The following MXI1 variants were observed in gnomAD, a reference collection of about 807,000 sequenced individuals.
The protein encoded by MXI1 is max-interacting protein 1.
A neutral mutation model predicts 36.9 loss-of-function variants in MXI1; 18 were observed. The observed-to-expected ratio is 0.49, with a 90% CI of 0.34 to 0.72. MXI1 has a LOEUF of 0.72. Among genes scored for constraint, MXI1 ranks in the 30% least tolerant of loss-of-function variants. The pLI is 0.01. For synonymous variants in MXI1, 160 were observed against 146.7 expected (o/e 1.09, Z -0.65); for missense variants, 304 against 379.1 (o/e 0.80, Z 1.64).
chr10:110,225,951 C>T, intron 1 of MXI1: 2 of 907,842 alleles, frequency 2.2e-6, no homozygotes, highest in Middle Eastern at 5.6e-4. Flanking sequence ...AGGGGGCGGG[C>T]CCCGGCGCTG....
intron 3 of MXI1, 108 bp from the exon 4 acceptor site, chr10:110,279,070 CTA>C: frequency 1.3e-6 from 1 of 756,436 alleles, no homozygotes; most frequent in Non-Finnish European, 2.2e-6. Context: ...GGTGTGACAT[CTA>C]TCCTATAGGC....
At chr10:110,217,638 T>G (rs1282152019) in intron 1 of MXI1, among the ~76,000 whole-genome samples, 3 of 152,234 alleles carry the variant, frequency 2.0e-5, no homozygotes, top group Non-Finnish European at 2.9e-5. Context: ...GCTAAGTTTT[T>G]GTTGAACTGA....
At chr10:110,278,435 A>G (rs1857114482) in intron 3 of MXI1, among the ~76,000 whole-genome samples, 1 of 152,158 alleles carries the variant, frequency 6.6e-6, no homozygotes, top group Admixed American at 6.5e-5. Context: ...AATAAAAATT[A>G]AGCTAACGAG....
chr10:110,274,644 A>G (rs1359424806), intron 3 of MXI1, among the ~76,000 whole-genome samples: 1 of 152,210 alleles, frequency 6.6e-6, no homozygotes, highest in African/African-American at 2.4e-5. Context: ...GTCTAGTTCT[A>G]TAAATGTTTC....
intron 2 of MXI1, among the ~76,000 whole-genome samples, chr10:110,232,754 A>G (rs918316124): frequency 6.6e-6 from 1 of 152,210 alleles, no homozygotes; most frequent in Non-Finnish European, 1.5e-5. Context: ...TGGAAGGAAG[A>G]GTGATAAAAC....
chr10:110,266,352 C>G (rs1361973277), intron 3 of MXI1, among the ~76,000 whole-genome samples: 1 of 152,186 alleles, frequency 6.6e-6, no homozygotes, highest in African/African-American at 2.4e-5. Context: ...TCGTGATCCG[C>G]CCACCTCGGC....
At position 110,279,151 on chromosome 10, in the gene MXI1, G is replaced by C. The variant is rs767434822; in HGVS notation, c.438-29G>C. 3.4e-6 allele frequency: 5 copies of C among 1,483,686 alleles called. No individual in the cohort carries two copies. The South Asian group carries it at 3.4e-5, about 10-fold the overall frequency. 91.9% of individuals were successfully genotyped at this position (1,483,686 alleles called of 1,614,324 possible). On this transcript the variant is annotated intron_variant, in intron 3 of 5. Coordinates refer to ENST00000332674, the MANE Select transcript of MXI1 (RefSeq NM_130439.3). ...ATATTTCTAGTGAAATAACCAGACT[G>C]TGCTGATTTGACTTTTTGTCTTTCT...
intron 1 of MXI1, among the ~76,000 whole-genome samples, chr10:110,214,422 C>T (rs964911402): frequency 6.6e-6 from 1 of 152,128 alleles, no homozygotes; most frequent in Non-Finnish European, 1.5e-5. Flanking sequence ...CCACCCCCCT[C>T]CTGCTGCCTT....
rs1443845884 is a variant in MXI1, at chr10:110,271,629, G to T, written c.438-7551G>T. 1.3e-5 allele frequency among the ~76,000 whole-genome samples: 2 copies of T among 152,182 alleles called. 1 individual carries two copies. The highest frequency in any genetic ancestry group is 4.1e-4 in the South Asian group (2 of 4,826). On this transcript the variant is annotated intron_variant, in intron 3 of 5. Coordinates refer to ENST00000332674, the MANE Select transcript of MXI1 (RefSeq NM_130439.3). ...ATTGGCAAGTATAAAAGCACATTTG[G>T]TTATGGAAGAGGTTTGCAAGGGTAT...
chr10:110,238,970 ATTC>A (rs1260911605), intron 2 of MXI1, among the ~76,000 whole-genome samples: 1 of 152,134 alleles, frequency 6.6e-6, no homozygotes, highest in Non-Finnish European at 1.5e-5. Flanking sequence ...TTTGTATTTT[ATTC>A]TTCATCAGCC....
At chr10:110,239,800 A>G (rs1405674220) in intron 2 of MXI1, among the ~76,000 whole-genome samples, 1 of 152,180 alleles carries the variant, frequency 6.6e-6, no homozygotes, top group Non-Finnish European at 1.5e-5. Context: ...TAAAATGTAC[A>G]TACAAAAAAA....
At chr10:110,282,616 A>C (rs78768832) in intron 5 of MXI1, among the ~76,000 whole-genome samples, 2 of 151,814 alleles carry the variant, frequency 1.3e-5, no homozygotes, top group South Asian at 2.1e-4. Context: ...ACTACCTCCA[A>C]ATTTCAGAGA....
At chr10:110,215,243 T>A (rs1288065831) in intron 1 of MXI1, among the ~76,000 whole-genome samples, 4 of 152,114 alleles carry the variant, frequency 2.6e-5, no homozygotes, top group Admixed American at 2.6e-4. Context: ...GTTTTCACCA[T>A]GCTGGCTAGG....
intron 3 of MXI1, among the ~76,000 whole-genome samples, chr10:110,273,965 T>A (rs1405470551): frequency 6.6e-6 from 1 of 152,144 alleles, no homozygotes; most frequent in East Asian, 1.9e-4. Flanking sequence ...ATACTTGGAG[T>A]TTGTTCCGAA....
chr10:110,282,329 C>A (rs1857282675), intron 5 of MXI1, among the ~76,000 whole-genome samples: 1 of 152,108 alleles, frequency 6.6e-6, no homozygotes, highest in Non-Finnish European at 1.5e-5. Flanking sequence ...TTTAACGCAA[C>A]CTTTTTAACA....
chr10:110,215,640 G>A (rs561993620), intron 1 of MXI1, among the ~76,000 whole-genome samples: 1 of 152,180 alleles, frequency 6.6e-6, no homozygotes, highest in Non-Finnish European at 1.5e-5. Context: ...GGGTGTGTCC[G>A]GTTATTGCAA....
chr10:110,265,836 C>A (rs1426939823), intron 3 of MXI1, among the ~76,000 whole-genome samples: 1 of 152,112 alleles, frequency 6.6e-6, no homozygotes. Context: ...ATGGTTCTCT[C>A]TTGGAGTTTG....
intron 3 of MXI1, among the ~76,000 whole-genome samples, chr10:110,275,304 A>G (rs1187745433): frequency 1.3e-5 from 2 of 152,176 alleles, no homozygotes; most frequent in Admixed American, 1.3e-4. Flanking sequence ...TACCAGTCAC[A>G]TGAGAATGAA....
intron 1 of MXI1, chr10:110,210,325 A>G: frequency 2.0e-6 from 2 of 981,328 alleles, no homozygotes; most frequent in Non-Finnish European, 2.4e-6. Flanking sequence ...TGTGCGTAAT[A>G]AGTCCCTCGG....
Sources: gnomAD v4.1 joint callset for allele counts (sites outside exome capture counted in the v4.1 genomes callset) on GRCh38, gnomAD v4.1.1 for gene constraint, MANE v1.5 for transcripts, NCBI Gene and HGNC (gene_info 2026-07-23, HGNC 2026-07-21) for gene names.